Variants in GMPR observed in about 807,000 individuals in gnomAD.
The protein encoded by GMPR is guanosine monophosphate reductase, also known as GMP reductase 1.
In GMPR, 31 loss-of-function variants were observed where a neutral mutation model predicts 38.4. That is an observed-to-expected ratio of 0.81 (90% CI 0.61 to 1.09). GMPR has a LOEUF of 1.09. Ranked by LOEUF, GMPR falls within the 50% of genes least tolerant of loss-of-function variation. The probability of loss-of-function intolerance (pLI) is 0.00; values close to 1 mark genes in which losing one functional copy is unlikely to be tolerated. For synonymous variants in GMPR, 162 were observed against 173.3 expected (o/e 0.93, Z 0.51); for missense variants, 468 against 453.7 (o/e 1.03, Z -0.29).
chr6:16,250,275 G>C lies in GMPR; in HGVS notation c.208-9G>C, dbSNP rs1561820048. The stretch of plus-strand genomic sequence containing the variant: ...CTTCCCATCCTAATGGTGCTGTTTT[G>C]TTTTCTAGCACTCCATGTTTACAGC... On this transcript the variant is annotated splice_polypyrimidine_tract_variant and intron_variant, in intron 2 of 8. Coordinates refer to ENST00000259727, the MANE Select transcript of GMPR (RefSeq NM_006877.4). 6.4e-7 allele frequency: 1 copy of C among 1,556,372 alleles called. No homozygotes were observed. The highest frequency in any genetic ancestry group is 1.4e-5 in the African/African-American group (1 of 73,908).
At position 16,295,246 on chromosome 6, in the gene GMPR, T is replaced by TC. The variant is rs947102030; in HGVS notation, c.*66dup. The stretch of plus-strand genomic sequence containing the variant: ...AGCGTCCAAACCTGCTTTTCCCATC[T>TC]CCCCCCAAGTCTGTTCCGTCAGAGC... On this transcript the variant is annotated 3_prime_UTR_variant, in exon 9 of 9. Coordinates refer to ENST00000259727, the MANE Select transcript of GMPR (RefSeq NM_006877.4). The TC allele has an allele frequency of 4.0e-6, 5 of 1,253,198 alleles. No homozygotes were observed. Among genetic ancestry groups the TC allele is most frequent in the Non-Finnish European group, 5.4e-6 (5 of 930,462 alleles). The allele number at this position is 1,253,198 out of a possible 1,614,324, so 77.6% of individuals were successfully genotyped here. A position where few individuals can be genotyped will look rare whatever the true frequency, so the allele number is the denominator to read the frequency against.
chr6:16,265,829 G>A (rs1425991276), intron 4 of GMPR, among the ~76,000 whole-genome samples: 1 of 151,408 alleles, frequency 6.6e-6, no homozygotes, highest in African/African-American at 2.4e-5. Flanking sequence ...ACGCCATGGA[G>A]GTTTTCTTCG....
intron 6 of GMPR, among the ~76,000 whole-genome samples, chr6:16,280,345 C>G (rs1759553205): frequency 6.6e-6 from 1 of 152,154 alleles, no homozygotes; most frequent in African/African-American, 2.4e-5. Context: ...GCCTGGGCCC[C>G]TTCTAATGCC....
intron 3 of GMPR, among the ~76,000 whole-genome samples, chr6:16,250,844 C>T (rs1758857851): frequency 6.6e-6 from 1 of 151,254 alleles, no homozygotes; most frequent in Admixed American, 6.6e-5. Context: ...GAGTTCAAGG[C>T]CAGCCTGGTC....
Position 16,254,670 on chromosome 6 carries a change from T to C in GMPR, c.400T>C (p.Tyr134His). 1 of 1,613,502 alleles carries C rather than the reference T, an allele frequency of 6.2e-7. No individual in the cohort carries two copies. Among genetic ancestry groups the C allele is most frequent in the East Asian group, 2.2e-5 (1 of 44,880 alleles). Residue 134 changes from tyrosine to histidine, a missense_variant, in exon 4 of 9, where the codon TAT becomes CAT. Transcript: ENST00000259727. ...KFICLDVANG[Y>H]SEHFVEFVKL... ...TATTTGCCTGGATGTGGCCAATGGG[T>C]ATTCAGAACATTTTGTGGAATTCGT...
Position 16,276,338 on chromosome 6 carries a change from T to G in GMPR, c.547+1842T>G, listed in dbSNP as rs369568724. Among the ~76,000 whole-genome samples the G allele has an allele frequency of 1.5e-4, 23 of 152,018 alleles. 1 individual carries two copies. The South Asian group carries it at 4.6e-3, about 30-fold the overall frequency. ...GCATGCACCACCATGCCCAGCTAAT[T>G]TTTTGTACTTTTAGTGGAGACGGGG... is the stretch of plus-strand genomic sequence containing the variant. On this transcript the variant is annotated intron_variant, in intron 5 of 8. Coordinates refer to ENST00000259727, the MANE Select transcript of GMPR (RefSeq NM_006877.4).
chr6:16,294,565 G>T (rs181643256), intron 8 of GMPR, among the ~76,000 whole-genome samples: 1 of 152,322 alleles, frequency 6.6e-6, no homozygotes, highest in East Asian at 1.9e-4. Context: ...TTTCCAGGGG[G>T]GAATCGGCCA....
At chr6:16,288,774 A>G (rs144573623) in intron 7 of GMPR, among the ~76,000 whole-genome samples, 4 of 152,318 alleles carry the variant, frequency 2.6e-5, no homozygotes, top group African/African-American at 9.6e-5. Flanking sequence ...TTGTAAATAC[A>G]CCAATGGGCA....
At chr6:16,240,651 T>C (rs1483397470) in intron 1 of GMPR, among the ~76,000 whole-genome samples, 1 of 152,194 alleles carries the variant, frequency 6.6e-6, no homozygotes, top group African/African-American at 2.4e-5. Context: ...ATTTATGTAA[T>C]AGAATGAATT....
At chr6:16,250,766 G>T (rs1758856281) in intron 3 of GMPR, among the ~76,000 whole-genome samples, 1 of 152,108 alleles carries the variant, frequency 6.6e-6, no homozygotes, top group Non-Finnish European at 1.5e-5. Flanking sequence ...TAATAGCCAG[G>T]CACCGTGGGT....
At chr6:16,260,603 A>T (rs917957488) in intron 4 of GMPR, among the ~76,000 whole-genome samples, 1 of 152,018 alleles carries the variant, frequency 6.6e-6, no homozygotes, top group African/African-American at 2.4e-5. Flanking sequence ...CAGATGGAAC[A>T]CTGAGAAGTT....
At chr6:16,240,788 T>C (rs1359611580) in intron 1 of GMPR, among the ~76,000 whole-genome samples, 1 of 152,252 alleles carries the variant, frequency 6.6e-6, no homozygotes, top group Non-Finnish European at 1.5e-5. Flanking sequence ...ATGTACACAT[T>C]GCAGTGAGAA....
At chr6:16,287,341 C>T (rs1329034232) in intron 7 of GMPR, among the ~76,000 whole-genome samples, 2 of 152,242 alleles carry the variant, frequency 1.3e-5, no homozygotes, top group Non-Finnish European at 2.9e-5. Context: ...CACATGCTCT[C>T]TGTACAGAGG....
intron 6 of GMPR, 103 bp downstream of exon 6, chr6:16,278,993 C>G: frequency 1.4e-6 from 1 of 702,814 alleles, no homozygotes; most frequent in South Asian, 1.8e-5. Context: ...TGGGAGGGAG[C>G]TGGGCACTGC....
At chr6:16,257,129 T>C (rs1340244194) in intron 4 of GMPR, among the ~76,000 whole-genome samples, 1 of 152,182 alleles carries the variant, frequency 6.6e-6, no homozygotes, top group African/African-American at 2.4e-5. Flanking sequence ...GGGAGAGGGC[T>C]GGAAGTAGAG....
chr6:16,273,831 T>G (rs1269531625), intron 4 of GMPR, among the ~76,000 whole-genome samples: 1 of 150,264 alleles, frequency 6.7e-6, no homozygotes, highest in Non-Finnish European at 1.5e-5. Context: ...TTTTTTTTTT[T>G]TTGAGACAGA....
intron 6 of GMPR, among the ~76,000 whole-genome samples, chr6:16,283,845 G>A (rs1759621184): frequency 6.6e-6 from 1 of 152,212 alleles, no homozygotes; most frequent in South Asian, 2.1e-4. Context: ...TAATGTGTTT[G>A]AGGCCAGAAG....
At chr6:16,270,794 A>G (rs997754741) in intron 4 of GMPR, among the ~76,000 whole-genome samples, 3 of 152,182 alleles carry the variant, frequency 2.0e-5, no homozygotes, top group Non-Finnish European at 2.9e-5. Flanking sequence ...CATTTGGACC[A>G]TGGACAGATT....
At chr6:16,279,012 C>T (rs760185316) in intron 6 of GMPR, 122 bp downstream of exon 6, 52 of 639,784 alleles carry the variant, frequency 8.1e-5, no homozygotes, top group Admixed American at 6.1e-4. Flanking sequence ...GCGGTCACAG[C>T]GCTGACATTC....
Sources: gnomAD v4.1 joint callset for allele counts (sites outside exome capture counted in the v4.1 genomes callset) on GRCh38, gnomAD v4.1.1 for gene constraint, MANE v1.5 for transcripts, NCBI Gene and HGNC (gene_info 2026-07-23, HGNC 2026-07-21) for gene names.